NOL10: variants seen among roughly 807,000 people sequenced by gnomAD.
NOL10 encodes the protein H_NH0074G24.1.
Under a neutral mutation model 103.5 loss-of-function variants are expected in NOL10, and 58 were observed. That is an observed-to-expected ratio of 0.56 (90% CI 0.45 to 0.70). NOL10 has a LOEUF of 0.70. Ranked by LOEUF, NOL10 falls within the 30% of genes least tolerant of loss-of-function variation. The pLI is 0.00. For missense variants in NOL10, 763 were observed against 807.3 expected (o/e 0.95, Z 0.67); for synonymous variants, 287 against 282.5 (o/e 1.02, Z -0.16).
At chr2:10,689,186 C>T (rs1682434575) in intron 1 of NOL10, among the ~76,000 whole-genome samples, 1 of 152,170 alleles carries the variant, frequency 6.6e-6, no homozygotes, top group South Asian at 2.1e-4. Context: ...ATCTCAGCTG[C>T]ATATTAAACG....
At chr2:10,678,500 C>T (rs1208086481) in intron 3 of NOL10, among the ~76,000 whole-genome samples, 1 of 151,086 alleles carries the variant, frequency 6.6e-6, no homozygotes, top group Non-Finnish European at 1.5e-5. Context: ...AAAATTAACA[C>T]AACCACTAAG....
chr2:10,614,748 T>C (rs1363817289), intron 13 of NOL10, among the ~76,000 whole-genome samples: 1 of 152,218 alleles, frequency 6.6e-6, no homozygotes, highest in Non-Finnish European at 1.5e-5. Flanking sequence ...TACTATAATG[T>C]ATATACACAC....
At chr2:10,594,523 A>G (rs1675561531) in intron 17 of NOL10, among the ~76,000 whole-genome samples, 1 of 152,212 alleles carries the variant, frequency 6.6e-6, no homozygotes, top group Admixed American at 6.5e-5. Context: ...AAATAAGCAT[A>G]AGTCTAACCT....
intron 19 of NOL10, among the ~76,000 whole-genome samples, chr2:10,588,132 C>T (rs1675209574): frequency 6.6e-6 from 1 of 152,204 alleles, no homozygotes; most frequent in African/African-American, 2.4e-5. Context: ...GGGCTTGACA[C>T]CTAGCTTGTT....
chr2:10,581,643 A>T (rs1018240558), intron 19 of NOL10, among the ~76,000 whole-genome samples: 5 of 152,200 alleles, frequency 3.3e-5, no homozygotes, highest in Admixed American at 3.3e-4. Flanking sequence ...TCTGGGCAAC[A>T]AAATGAGACC....
chr2:10,650,620 G>A (rs902126705), intron 12 of NOL10, among the ~76,000 whole-genome samples: 2 of 152,078 alleles, frequency 1.3e-5, no homozygotes, highest in East Asian at 1.9e-4. Flanking sequence ...GAGAGCCGGC[G>A]TGATGGTGCG....
chr2:10,592,019 CAAA>C (rs1403970240), intron 17 of NOL10, among the ~76,000 whole-genome samples: 9 of 148,674 alleles, frequency 6.1e-5, no homozygotes, highest in East Asian at 2.0e-4. Context: ...AACAAACAAA[CAAA>C]CAAACCAACC....
chr2:10,648,436 G>A (rs958399947), intron 12 of NOL10, among the ~76,000 whole-genome samples: 2 of 152,142 alleles, frequency 1.3e-5, no homozygotes, highest in African/African-American at 4.8e-5. Context: ...TACGGGTCTT[G>A]TTCTGCCTGC....
intron 13 of NOL10, among the ~76,000 whole-genome samples, chr2:10,640,397 G>C (rs1290754114): frequency 6.6e-6 from 1 of 152,208 alleles, no homozygotes; most frequent in African/African-American, 2.4e-5. Flanking sequence ...AGGTAGGTCA[G>C]AAAGGAACAC....
chr2:10,588,658 T>C (rs569761966), intron 19 of NOL10, among the ~76,000 whole-genome samples: 46 of 152,246 alleles, frequency 3.0e-4, no homozygotes, highest in South Asian at 6.2e-4. Context: ...GAGTAAGTAT[T>C]TGTAGGTGAG....
At chr2:10,600,813 C>A (rs1675936765) in intron 17 of NOL10, 40 bp downstream of exon 17, 1 of 1,323,686 alleles carries the variant, frequency 7.6e-7, no homozygotes, top group Non-Finnish European at 1.1e-6. Context: ...TTACTATCAA[C>A]AAAACGCAGA....
intron 9 of NOL10, among the ~76,000 whole-genome samples, chr2:10,659,624 A>C (rs1293632784): frequency 6.6e-6 from 1 of 152,162 alleles, no homozygotes; most frequent in African/African-American, 2.4e-5. Flanking sequence ...TCAAGGCTGC[A>C]GTGAGCTGTG....
chr2:10,630,134 C>T (rs1333719649), intron 13 of NOL10, among the ~76,000 whole-genome samples: 1 of 152,186 alleles, frequency 6.6e-6, no homozygotes, highest in Non-Finnish European at 1.5e-5. Context: ...CCACGGACCC[C>T]GTGAATTCTG....
At chr2:10,680,480 C>G (rs1681681312) in intron 3 of NOL10, among the ~76,000 whole-genome samples, 1 of 152,138 alleles carries the variant, frequency 6.6e-6, no homozygotes, top group African/African-American at 2.4e-5. Flanking sequence ...TTTAACAAAT[C>G]TATATCCTAG....
chr2:10,684,227 G>A (rs1238425389), intron 2 of NOL10, among the ~76,000 whole-genome samples: 1 of 151,302 alleles, frequency 6.6e-6, no homozygotes, highest in African/African-American at 2.4e-5. Context: ...AGTGAGCCGA[G>A]GTCACACCAT....
At chr2:10,672,556 G>A (rs796519258) in intron 5 of NOL10, among the ~76,000 whole-genome samples, 1 of 152,242 alleles carries the variant, frequency 6.6e-6, no homozygotes, top group East Asian at 1.9e-4. Flanking sequence ...GTACCCCATA[G>A]TTTCCAAAAC....
At chr2:10,587,194 C>A (rs184495616) in intron 19 of NOL10, among the ~76,000 whole-genome samples, 2 of 28,772 alleles carry the variant, frequency 7.0e-5, no homozygotes, top group Non-Finnish European at 1.3e-4. Flanking sequence ...TATATATACA[C>A]ATATATATAC....
intron 17 of NOL10, among the ~76,000 whole-genome samples, chr2:10,591,752 T>A (rs1675400480): frequency 6.6e-6 from 1 of 151,864 alleles, no homozygotes; most frequent in South Asian, 2.1e-4. Flanking sequence ...GCCTGCAATC[T>A]CAGCACTTTG....
intron 9 of NOL10, among the ~76,000 whole-genome samples, chr2:10,661,503 T>C (rs879797576): frequency 1.7e-4 from 26 of 152,032 alleles, no homozygotes; most frequent in Non-Finnish European, 3.2e-4. Flanking sequence ...TCCTGGGTAC[T>C]TGGGATTACA....
Sources: allele counts gnomAD v4.1 joint callset (sites outside exome capture counted in the v4.1 genomes callset), GRCh38; gene constraint gnomAD v4.1.1; transcripts MANE v1.5; gene names NCBI Gene and HGNC (gene_info 2026-07-23, HGNC 2026-07-21).